COL14A1: variants seen among roughly 807,000 people sequenced by gnomAD.
COL14A1 encodes collagen type XIV alpha 1 chain.
A neutral mutation model predicts 230.3 loss-of-function variants in COL14A1; 136 were observed. The ratio of observed to expected loss-of-function variants is 0.59; its 90% CI spans 0.51 to 0.68. The LOEUF (loss-of-function observed/expected upper bound fraction) is 0.68. Ranked by LOEUF, COL14A1 falls within the 30% of genes least tolerant of loss-of-function variation. The pLI is 0.00. For missense variants in COL14A1, 1,976 were observed against 2,215.8 expected, an observed-to-expected ratio of 0.89 and a Z score of 2.17; for synonymous variants, 792 against 784.1, an observed-to-expected ratio of 1.01 and a Z score of -0.17.
chr8:120,371,116 G>A lies in COL14A1; in HGVS notation c.5312-36G>A, dbSNP rs113272090. On this transcript the variant is annotated intron_variant, in intron 47 of 47. Coordinates refer to ENST00000297848, the MANE Select transcript of COL14A1 (RefSeq NM_021110.4). ...GAGAATATCAATTTATGATTCCTGG[G>A]TGCAGCAAGTCCCCACCCCCACTTT... 1.9e-4 allele frequency: 283 copies of A among 1,526,880 alleles called. 1 individual carries two copies. In the African/African-American group the frequency reaches 2.6e-3, roughly 14 times the overall value. 94.6% of individuals were successfully genotyped at this position (1,526,880 alleles called of 1,614,324 possible).
At position 120,278,101 on chromosome 8, in the gene COL14A1, C is replaced by G. The variant is rs1302393917; in HGVS notation, c.3214-10C>G. On this transcript the variant is annotated splice_polypyrimidine_tract_variant and intron_variant, in intron 26 of 47. Transcript: ENST00000297848. ...ATATGTGTGAAAATGAATACACCTTCTCTCTCCAGGTTGCAATGGTTCAGT... is the reference window on the plus strand; with the variant it reads ...ATATGTGTGAAAATGAATACACCTTGTCTCTCCAGGTTGCAATGGTTCAGT... 6.3e-7 allele frequency: 1 copy of G among 1,596,906 alleles called. No homozygotes were observed. The highest frequency in any genetic ancestry group is 1.1e-5 in the South Asian group (1 of 87,768).
At chr8:120,153,794 T>A (rs1815372234) in intron 2 of COL14A1, among the ~76,000 whole-genome samples, 1 of 152,232 alleles carries the variant, frequency 6.6e-6, no homozygotes, top group African/African-American at 2.4e-5. Flanking sequence ...TTGAAAAGGA[T>A]AGGAATCTGG....
At chr8:120,345,641 C>A in intron 45 of COL14A1, 78 bp downstream of exon 45, 1 of 1,217,632 alleles carries the variant, frequency 8.2e-7, no homozygotes, top group Non-Finnish European at 1.1e-6. Context: ...GGTTCTTATA[C>A]AAGGATAAAG....
At chr8:120,314,734 A>G (rs753523930) in intron 38 of COL14A1, among the ~76,000 whole-genome samples, 4 of 152,226 alleles carry the variant, frequency 2.6e-5, no homozygotes, top group Non-Finnish European at 4.4e-5. Flanking sequence ...TGTTATTTTT[A>G]CATTTTAGAA....
Position 120,209,819 on chromosome 8 carries a change from A to G in COL14A1, c.1385A>G (p.Lys462Arg). Residue 462 changes from lysine (K) to arginine (R), a missense_variant, in exon 12 of 48, where the codon AAA becomes AGA. Coordinates refer to ENST00000297848, the MANE Select transcript of COL14A1 (RefSeq NM_021110.4). Reference sequence around the variant, plus strand: ...GTGACTGAGAACAGCATGCGAGTCAAATGGGATGCAGTGCCTGGGGCCTCA... The same window carrying G: ...GTGACTGAGAACAGCATGCGAGTCAGATGGGATGCAGTGCCTGGGGCCTCA... Reference protein sequence around the residue: ...YDVTENSMRVKWDAVPGASGY... With the variant: ...YDVTENSMRVRWDAVPGASGY... The G allele has an allele frequency of 6.2e-7, 1 of 1,613,950 alleles. No individual in the cohort carries two copies. Among genetic ancestry groups the G allele is most frequent in the Non-Finnish European group, 8.5e-7 (1 of 1,179,900 alleles).
At chr8:120,155,686 G>C (rs1418527847) in intron 2 of COL14A1, among the ~76,000 whole-genome samples, 1 of 152,072 alleles carries the variant, frequency 6.6e-6, no homozygotes, top group Non-Finnish European at 1.5e-5. Flanking sequence ...CTTGGGCGAT[G>C]ACATTTACTA....
intron 45 of COL14A1, among the ~76,000 whole-genome samples, chr8:120,357,563 C>G (rs1823029931): frequency 6.6e-6 from 1 of 152,098 alleles, no homozygotes; most frequent in Admixed American, 6.6e-5. Context: ...CGGCTGTACA[C>G]TTTGGAGGGA....
At chr8:120,323,758 T>C (rs545349800) in intron 40 of COL14A1, among the ~76,000 whole-genome samples, 1 of 152,308 alleles carries the variant, frequency 6.6e-6, no homozygotes, top group South Asian at 2.1e-4. Flanking sequence ...AGTTCTCTCT[T>C]CTGCTCCATT....
At chr8:120,233,541 G>C (rs115875193) in intron 19 of COL14A1, among the ~76,000 whole-genome samples, 2,348 of 152,166 alleles carry the variant, frequency 0.015, 60 homozygotes, top group African/African-American at 0.054. Context: ...CCTATGCCTA[G>C]CCAGGTTTCC....
At chr8:120,169,279 A>G (rs1168990291) in intron 5 of COL14A1, among the ~76,000 whole-genome samples, 1 of 152,198 alleles carries the variant, frequency 6.6e-6, no homozygotes, top group Non-Finnish European at 1.5e-5. Flanking sequence ...TAGATTGCCA[A>G]ATTGATAGAT....
intron 45 of COL14A1, among the ~76,000 whole-genome samples, chr8:120,356,072 G>C (rs977460501): frequency 6.6e-6 from 1 of 152,206 alleles, no homozygotes; most frequent in African/African-American, 2.4e-5. Context: ...GAATATGAAA[G>C]ATTGCTGAGG....
chr8:120,277,252 C>A (rs898489577), intron 26 of COL14A1, among the ~76,000 whole-genome samples: 2 of 152,198 alleles, frequency 1.3e-5, no homozygotes, highest in African/African-American at 4.8e-5. Context: ...AGCTCAGTTT[C>A]CTCAAGTGTA....
intron 18 of COL14A1, among the ~76,000 whole-genome samples, chr8:120,229,994 C>T (rs967685831): frequency 4.6e-5 from 7 of 152,178 alleles, no homozygotes; most frequent in Non-Finnish European, 1.0e-4. Context: ...GATCCTCCAG[C>T]CTCAGCCCCC....
At chr8:120,225,659 A>C (rs1293959170) in intron 15 of COL14A1, among the ~76,000 whole-genome samples, 1 of 152,172 alleles carries the variant, frequency 6.6e-6, no homozygotes, top group African/African-American at 2.4e-5. Flanking sequence ...CCCGAGCCTG[A>C]AATCTTCATA....
At chr8:120,316,943 G>A (rs895966840) in intron 40 of COL14A1, among the ~76,000 whole-genome samples, 1 of 152,074 alleles carries the variant, frequency 6.6e-6, no homozygotes, top group Admixed American at 6.6e-5. Context: ...AAGTTAGAGA[G>A]GTAAGCACAA....
chr8:120,225,652 G>A (rs1023360374), intron 15 of COL14A1, among the ~76,000 whole-genome samples: 6 of 151,912 alleles, frequency 3.9e-5, no homozygotes, highest in South Asian at 2.1e-4. Flanking sequence ...GATTTTCCCC[G>A]AGCCTGAAAT....
At chr8:120,269,707 C>T (rs1159984981) in intron 25 of COL14A1, among the ~76,000 whole-genome samples, 5 of 151,700 alleles carry the variant, frequency 3.3e-5, no homozygotes, top group East Asian at 3.9e-4. Context: ...GCTGATACTT[C>T]GATCTCTGAA....
intron 19 of COL14A1, among the ~76,000 whole-genome samples, chr8:120,236,594 A>G (rs1309706518): frequency 6.6e-6 from 1 of 152,116 alleles, no homozygotes; most frequent in African/African-American, 2.4e-5. Flanking sequence ...GTGTCTTTTA[A>G]TTGGGGCATT....
chr8:120,291,389 G>A (rs781087882), intron 34 of COL14A1, among the ~76,000 whole-genome samples: 5 of 151,652 alleles, frequency 3.3e-5, no homozygotes, highest in South Asian at 2.1e-4. Flanking sequence ...GTGAAACTCC[G>A]TCTCTACTAA....
Sources: allele counts gnomAD v4.1 joint callset (sites outside exome capture counted in the v4.1 genomes callset), GRCh38; gene constraint gnomAD v4.1.1; transcripts MANE v1.5; gene names NCBI Gene and HGNC (gene_info 2026-07-23, HGNC 2026-07-21).